The following ANKS1B variants were observed in gnomAD, a reference collection of about 807,000 sequenced individuals.
ANKS1B encodes the protein ankyrin repeat and sterile alpha motif domain-containing protein 1B.
Under a neutral mutation model 148.3 loss-of-function variants are expected in ANKS1B, and 36 were observed. The ratio of observed to expected loss-of-function variants is 0.24; its 90% CI spans 0.19 to 0.32. The LOEUF (loss-of-function observed/expected upper bound fraction) is 0.32. Among genes scored for constraint, ANKS1B ranks in the 10% least tolerant of loss-of-function variants. The pLI is 1.00. For synonymous variants in ANKS1B, 542 were observed against 560.8 expected (o/e 0.97, Z 0.47); for missense variants, 1,157 against 1,542.6 (o/e 0.75, Z 4.19).
chr12:99,750,338 G>A (rs1161059498), intron 8 of ANKS1B, among the ~76,000 whole-genome samples: 1 of 151,802 alleles, frequency 6.6e-6, no homozygotes, highest in Admixed American at 6.6e-5. Context: ...ATTGCATAAA[G>A]GTCTAATTGT....
At chr12:98,914,325 G>C (rs902911180) in intron 17 of ANKS1B, among the ~76,000 whole-genome samples, 1 of 152,056 alleles carries the variant, frequency 6.6e-6, no homozygotes, top group African/African-American at 2.4e-5. Flanking sequence ...TTCCTATAAA[G>C]CCTGCTGAAC....
intron 14 of ANKS1B, among the ~76,000 whole-genome samples, chr12:99,202,257 CA>C (rs1465190410): frequency 6.6e-6 from 1 of 152,178 alleles, no homozygotes; most frequent in African/African-American, 2.4e-5. Context: ...TCCAACAGGA[CA>C]AATGCATAAT....
chr12:99,060,702 T>C (rs11109713), intron 16 of ANKS1B, among the ~76,000 whole-genome samples: 6,290 of 52,264 alleles, frequency 0.12, 223 homozygotes, highest in East Asian at 0.25. Flanking sequence ...CACACACACA[T>C]ATATATAGAG....
chr12:99,600,286 C>T (rs982525475), intron 9 of ANKS1B, among the ~76,000 whole-genome samples: 1 of 151,910 alleles, frequency 6.6e-6, no homozygotes, highest in Non-Finnish European at 1.5e-5. Context: ...AATATTAACC[C>T]TCTAGGGAAC....
chr12:98,997,637 T>C (rs1356394187), intron 17 of ANKS1B, among the ~76,000 whole-genome samples: 2 of 152,074 alleles, frequency 1.3e-5, no homozygotes, highest in Admixed American at 6.5e-5. Flanking sequence ...GTGATCTGCC[T>C]GCCTCGGCCT....
At chr12:99,331,495 C>T (rs989770084) in intron 12 of ANKS1B, among the ~76,000 whole-genome samples, 11 of 151,922 alleles carry the variant, frequency 7.2e-5, no homozygotes, top group Non-Finnish European at 2.9e-5. Context: ...ACAATATGAA[C>T]GCTGGAGTTC....
At chr12:99,438,728 A>G (rs910227241) in intron 11 of ANKS1B, among the ~76,000 whole-genome samples, 2 of 151,900 alleles carry the variant, frequency 1.3e-5, no homozygotes, top group African/African-American at 4.8e-5. Flanking sequence ...TATCAACAGA[A>G]CCAAGAGTAC....
At chr12:99,293,835 C>G (rs1381229923) in intron 12 of ANKS1B, among the ~76,000 whole-genome samples, 5 of 152,104 alleles carry the variant, frequency 3.3e-5, no homozygotes, top group African/African-American at 4.8e-5. Flanking sequence ...AGGATAGAAA[C>G]CTAATACTCT....
intron 1 of ANKS1B, among the ~76,000 whole-genome samples, chr12:99,977,289 G>A (rs140481968): frequency 1.7e-4 from 26 of 152,214 alleles, no homozygotes; most frequent in East Asian, 5.8e-4. Flanking sequence ...GGCTACAGAC[G>A]TGCAATGCCA....
chr12:98,964,797 C>T lies in ANKS1B; in HGVS notation c.2778+88360G>A, dbSNP rs371453466. 5.9e-5 allele frequency among the ~76,000 whole-genome samples: 9 copies of T among 151,988 alleles called. No individual in the cohort carries two copies. The East Asian group carries it at 1.7e-3, about 29-fold the overall frequency. On this transcript the variant is annotated intron_variant, in intron 17 of 26. Transcript: ENST00000683438. ...AAGATAGAGAGTAGAATGATGGTTACCAGAGGTTGGGAAGGGTATTGAGGG... is the reference window on the plus strand; with the variant it reads ...AAGATAGAGAGTAGAATGATGGTTATCAGAGGTTGGGAAGGGTATTGAGGG...
intron 12 of ANKS1B, among the ~76,000 whole-genome samples, chr12:99,253,293 T>C (rs989195500): frequency 6.6e-6 from 1 of 151,280 alleles, no homozygotes; most frequent in East Asian, 1.9e-4. Flanking sequence ...TTGAATGTAA[T>C]AGAATAGCAA....
chr12:99,186,500 A>G (rs1181278055), intron 14 of ANKS1B, among the ~76,000 whole-genome samples: 2 of 152,140 alleles, frequency 1.3e-5, no homozygotes, highest in African/African-American at 4.8e-5. Flanking sequence ...TCTGACTGGC[A>G]TCTGGAGGGT....
chr12:98,953,237 T>C (rs1435835620), intron 17 of ANKS1B, among the ~76,000 whole-genome samples: 1 of 152,136 alleles, frequency 6.6e-6, no homozygotes, highest in Non-Finnish European at 1.5e-5. Flanking sequence ...GCCAGGCTGG[T>C]CTTGAACTCC....
At chr12:99,299,987 A>G (rs540421721) in intron 12 of ANKS1B, among the ~76,000 whole-genome samples, 1 of 152,310 alleles carries the variant, frequency 6.6e-6, no homozygotes, top group South Asian at 2.1e-4. Context: ...CATGGTCAAT[A>G]CAGATGGCTG....
intron 1 of ANKS1B, among the ~76,000 whole-genome samples, chr12:99,970,343 G>C (rs78768762): frequency 6.6e-6 from 1 of 152,086 alleles, no homozygotes; most frequent in Non-Finnish European, 1.5e-5. Flanking sequence ...CATTGAAAAG[G>C]TGTATGATAT....
chr12:99,852,914 C>T (rs372546299), intron 1 of ANKS1B, among the ~76,000 whole-genome samples: 18 of 152,222 alleles, frequency 1.2e-4, no homozygotes, highest in South Asian at 8.3e-4. Flanking sequence ...CTGTGAGTTG[C>T]GGGGGAGCTG....
chr12:98,801,503 C>T lies in ANKS1B; in HGVS notation c.3142-378G>A, dbSNP rs2099004771. Among the ~76,000 whole-genome samples, 1 of 152,112 alleles carries T rather than the reference C, an allele frequency of 6.6e-6. No individual in the cohort carries two copies. Among genetic ancestry groups the T allele is most frequent in the African/African-American group, 2.4e-5 (1 of 41,432 alleles). ...TGACTGAAATTTTTAGTTTGAATTG[C>T]TTTCACATTCAGAACACACAGTTCT... On this transcript the variant is annotated intron_variant, in intron 20 of 26. Transcript: ENST00000683438. The surrounding 1 kb of genome is among the most constrained non-coding windows in gnomAD (Gnocchi z 5.2).
chr12:99,346,810 C>T (rs1196111766), intron 12 of ANKS1B, among the ~76,000 whole-genome samples: 1 of 151,936 alleles, frequency 6.6e-6, no homozygotes, highest in East Asian at 1.9e-4. Flanking sequence ...CTCTCTCTTC[C>T]TCCTGCTCTG....
In ANKS1B at chr12:99,443,695, A is replaced by G; in HGVS notation, c.1553T>C (p.Ile518Thr). The stretch of plus-strand genomic sequence containing the variant: ...TACCTGGGGTCGAATGACTTTTACA[A>G]TATTTTTGAGGGCAGTATCAGGGGA... Reference protein sequence around the residue: ...PPSPDTALKNIVKVIRPQPKQ... With the variant: ...PPSPDTALKNTVKVIRPQPKQ... The change falls in exon 11 of 27, where the codon ATT becomes ACT. Residue 518 changes from isoleucine to threonine, a missense_variant. Ile to Thr is a moderately conservative substitution (Grantham distance 89, BLOSUM62 -1). Transcript: ENST00000683438. 1 of 1,612,062 alleles carries G rather than the reference A, an allele frequency of 6.2e-7. No individual in the cohort carries two copies. The highest frequency in any genetic ancestry group is 8.5e-7 in the Non-Finnish European group (1 of 1,178,718).
Sources: gnomAD v4.1 joint callset for allele counts (sites outside exome capture counted in the v4.1 genomes callset) on GRCh38, gnomAD v4.1.1 for gene constraint, Gnocchi (gnomAD v3.1) non-coding constraint, MANE v1.5 for transcripts, NCBI Gene and HGNC (gene_info 2026-07-23, HGNC 2026-07-21) for gene names.